Variants in ZNF605 observed in about 807,000 individuals in gnomAD.
The protein encoded by ZNF605 is zinc finger protein 605.
In ZNF605, 9 loss-of-function variants were observed where a neutral mutation model predicts 7.9. The ratio of observed to expected loss-of-function variants is 1.14; its 90% CI spans 0.68 to 1.98. ZNF605 has a LOEUF of 1.98. Ranked by LOEUF, ZNF605 falls within the 30% of genes most tolerant of loss-of-function variation. The pLI is 0.00. For synonymous variants in ZNF605, 255 were observed against 260.1 expected, an observed-to-expected ratio of 0.98 and a Z score of 0.19; for missense variants, 673 against 762.4, an observed-to-expected ratio of 0.88 and a Z score of 1.38.
intron 1 of ZNF605, among the ~76,000 whole-genome samples, chr12:132,951,177 TACAC>T (rs1360201040): frequency 1.3e-5 from 2 of 149,260 alleles, no homozygotes; most frequent in African/African-American, 2.5e-5. Flanking sequence ...TACACAGACG[TACAC>T]ACAGACATGC....
intron 1 of ZNF605, among the ~76,000 whole-genome samples, chr12:132,951,535 C>T (rs1337569617): frequency 6.6e-6 from 1 of 151,400 alleles, no homozygotes; most frequent in Non-Finnish European, 1.5e-5. Flanking sequence ...ACACGTACGT[C>T]ACACACACAC....
rs1431173608 is a variant in ZNF605 at position 132,933,235 on chromosome 12, G to A, written c.16-80C>T. Reference sequence around the variant, plus strand: ...AATACTTTCTTCTGTATTTGTGGTAGGTGGCCTCTAAGATGGCCCCAGTGA... The same window carrying A: ...AATACTTTCTTCTGTATTTGTGGTAAGTGGCCTCTAAGATGGCCCCAGTGA... On this transcript the variant is annotated intron_variant, in intron 3 of 4. Coordinates refer to ENST00000360187, the MANE Select transcript of ZNF605 (RefSeq NM_183238.4). The surrounding 1 kb of genome is among the most constrained non-coding windows in gnomAD (Gnocchi z 4.4). 31 of 1,493,696 alleles carry A rather than the reference G, an allele frequency of 2.1e-5. No homozygotes were observed. Among genetic ancestry groups the A allele is most frequent in the Non-Finnish European group, 2.6e-5 (29 of 1,113,462 alleles). 92.5% of individuals were successfully genotyped at this position (1,493,696 alleles called of 1,614,324 possible).
At chr12:132,930,476 T>G (rs976962230) in intron 4 of ZNF605, among the ~76,000 whole-genome samples, 2 of 152,038 alleles carry the variant, frequency 1.3e-5, no homozygotes, top group African/African-American at 4.8e-5. Context: ...CAGGTTTGTC[T>G]TTTTCACTAA....
chr12:132,956,055 C>G (rs1282424182), intron 1 of ZNF605, among the ~76,000 whole-genome samples, 188 bp downstream of exon 1: 1 of 144,290 alleles, frequency 6.9e-6, no homozygotes, highest in Non-Finnish European at 1.5e-5. Context: ...CCGCCTGAGG[C>G]CCGCCTTCCG....
Position 132,927,121 on chromosome 12 carries a change from G to C in ZNF605, c.178C>G (p.Gln60Glu), listed in dbSNP as rs1269161790. 1.9e-6 allele frequency: 3 copies of C among 1,579,128 alleles called. No individual in the cohort carries two copies. Among genetic ancestry groups the C allele is most frequent in the Non-Finnish European group, 2.6e-6 (3 of 1,172,990 alleles). ...CTCTCCATACTTTTAAGGTTGTCTT[G>C]ATTATCTCGGAGCCACATTTTGGGA... ...DNPKMWLRDN[Q>E]DNLKSMERGH... The change falls in exon 5 of 5, where the codon CAA becomes GAA. Residue 60 changes from glutamine to glutamate, a missense_variant. Transcript: ENST00000360187.
chr12:132,954,818 C>A (rs1952618231), intron 1 of ZNF605, among the ~76,000 whole-genome samples: 2 of 152,014 alleles, frequency 1.3e-5, no homozygotes, highest in Admixed American at 6.6e-5. Flanking sequence ...CCAAGTATGA[C>A]CCCCGTTGTC....
intron 1 of ZNF605, among the ~76,000 whole-genome samples, chr12:132,950,255 C>G (rs1401897565): frequency 1.3e-5 from 2 of 152,126 alleles, no homozygotes; most frequent in Non-Finnish European, 2.9e-5. Context: ...TCTTGTCGTC[C>G]TGAGTCCAAA....
intron 3 of ZNF605, among the ~76,000 whole-genome samples, chr12:132,939,477 T>C (rs146027788): frequency 0.65 from 97,092 of 150,054 alleles, 32,200 homozygotes; most frequent in Non-Finnish European, 0.75. Flanking sequence ...ATGCACCAAT[T>C]GACACTCTGT....
chr12:132,939,070 C>T (rs1235978931), intron 3 of ZNF605, among the ~76,000 whole-genome samples: 18 of 151,566 alleles, frequency 1.2e-4, no homozygotes, highest in Admixed American at 2.6e-4. Context: ...CCCCAGCCTC[C>T]CTGACGAGCA....
intron 3 of ZNF605, among the ~76,000 whole-genome samples, chr12:132,939,204 C>A (rs1365737948): frequency 6.6e-6 from 1 of 152,196 alleles, no homozygotes; most frequent in Non-Finnish European, 1.5e-5. Context: ...CTAGGTGAAG[C>A]CAGCTGGGCT....
chr12:132,943,606 C>T (rs1952468349), intron 3 of ZNF605, among the ~76,000 whole-genome samples: 1 of 152,158 alleles, frequency 6.6e-6, no homozygotes, highest in African/African-American at 2.4e-5. Flanking sequence ...GCAAGACCTC[C>T]TCGTTGGGGT....
chr12:132,935,064 T>C (rs1952350173), intron 3 of ZNF605, among the ~76,000 whole-genome samples: 1 of 151,982 alleles, frequency 6.6e-6, no homozygotes, highest in Admixed American at 6.6e-5. Flanking sequence ...GTGGGAGCGG[T>C]GGGAATGGTC....
intron 3 of ZNF605, among the ~76,000 whole-genome samples, chr12:132,939,326 CTG>C (rs1309637640): frequency 6.6e-6 from 1 of 152,224 alleles, no homozygotes; most frequent in Non-Finnish European, 1.5e-5. Context: ...AATCAACACT[CTG>C]TATCTAGCTG....
chr12:132,925,360 A>C lies in ZNF605; in HGVS notation c.*13T>G, dbSNP rs752915818. 1 of 1,550,594 alleles carries C rather than the reference A, an allele frequency of 6.4e-7. No homozygotes were observed. The highest frequency in any genetic ancestry group is 2.0e-5 in the Admixed American group (1 of 50,394). On this transcript the variant is annotated 3_prime_UTR_variant, in exon 5 of 5. Coordinates refer to ENST00000360187, the MANE Select transcript of ZNF605 (RefSeq NM_183238.4). ...TGATAGCAACCTTTCTGCATTCGCC[A>C]AAGTCATGATTTTTATATTATATGA...
chr12:132,941,742 C>T lies in ZNF605; in HGVS notation c.15+3879G>A, dbSNP rs1952444004. Among the ~76,000 whole-genome samples the T allele has an allele frequency of 6.6e-6, 1 of 152,096 alleles. No homozygotes were observed. Among genetic ancestry groups the T allele is most frequent in the African/African-American group, 2.4e-5 (1 of 41,398 alleles). ...ACTTCCCACGGGTACCTCCAGGCTG[C>T]CCTCCGTCACGCGTCCCTCTTCTCC... On this transcript the variant is annotated intron_variant, in intron 3 of 4. Coordinates refer to ENST00000360187, the MANE Select transcript of ZNF605 (RefSeq NM_183238.4). This position sits in a 1 kb window ranked among gnomAD's most constrained non-coding sequence, Gnocchi z 5.1.
At chr12:132,940,293 A>G (rs1308218526) in intron 3 of ZNF605, among the ~76,000 whole-genome samples, 42 of 152,168 alleles carry the variant, frequency 2.8e-4, no homozygotes, top group Admixed American at 2.7e-3. Flanking sequence ...CTCTGTCCCG[A>G]CTGTGATGTT....
At chr12:132,952,598 C>T (rs916467382) in intron 1 of ZNF605, among the ~76,000 whole-genome samples, 2 of 151,622 alleles carry the variant, frequency 1.3e-5, no homozygotes, top group Non-Finnish European at 2.9e-5. Flanking sequence ...GAAGGCTGGG[C>T]CGACCACACC....
At chr12:132,954,197 C>T (rs1392517404) in intron 1 of ZNF605, among the ~76,000 whole-genome samples, 3 of 150,614 alleles carry the variant, frequency 2.0e-5, no homozygotes, top group African/African-American at 2.4e-5. Flanking sequence ...CAGTGACTCC[C>T]ACAGGGCTTT....
Position 132,950,556 on chromosome 12 carries a change from C to A in ZNF605, c.-285-2286G>T, listed in dbSNP as rs962160603. 3.3e-5 allele frequency among the ~76,000 whole-genome samples: 5 copies of A among 150,954 alleles called. No individual in the cohort carries two copies. In the East Asian group the frequency reaches 9.8e-4, roughly 30 times the overall value. The stretch of plus-strand genomic sequence containing the variant: ...ACACACACTCAGACACACTAATACA[C>A]CCGTACATCACACACAGACGTGCAC... On this transcript the variant is annotated intron_variant, in intron 1 of 4. Coordinates refer to ENST00000360187, the MANE Select transcript of ZNF605 (RefSeq NM_183238.4).
Sources: allele counts gnomAD v4.1 joint callset (sites outside exome capture counted in the v4.1 genomes callset), GRCh38; gene constraint gnomAD v4.1.1; non-coding constraint Gnocchi (gnomAD v3.1); transcripts MANE v1.5; gene names NCBI Gene and HGNC (gene_info 2026-07-23, HGNC 2026-07-21).